Variants in GSAP observed in about 807,000 individuals in gnomAD.
GSAP encodes the protein gamma-secretase-activating protein.
GSAP carries 118 observed loss-of-function variants against 131.7 expected under a neutral mutation model. The observed-to-expected ratio is 0.90, with a 90% CI of 0.77 to 1.04. The LOEUF (loss-of-function observed/expected upper bound fraction) is 1.04, where lower values mean the gene tolerates loss of function less well. GSAP is among the 50% of genes least tolerant of loss of function. GSAP has a pLI of 0.00. For synonymous variants in GSAP, 381 were observed against 363.4 expected, an observed-to-expected ratio of 1.05 and a Z score of -0.55; for missense variants, 1,019 against 1,013.2, an observed-to-expected ratio of 1.01 and a Z score of -0.08.
chr7:77,313,461 A>G, intron 28 of GSAP, 27 bp downstream of exon 28: 2 of 1,293,382 alleles, frequency 1.5e-6, no homozygotes, highest in Non-Finnish European at 2.2e-6. Flanking sequence ...AAGCTTAGGG[A>G]GAAAATAAAA....
At chr7:77,362,004 C>T (rs1238916724) in intron 13 of GSAP, among the ~76,000 whole-genome samples, 4 of 152,118 alleles carry the variant, frequency 2.6e-5, no homozygotes, top group African/African-American at 2.4e-5. Flanking sequence ...CAAATAAACA[C>T]ACTTTGGATA....
intron 18 of GSAP, among the ~76,000 whole-genome samples, chr7:77,352,225 CAATT>C (rs1344239500): frequency 6.6e-6 from 1 of 152,114 alleles, no homozygotes; most frequent in Non-Finnish European, 1.5e-5. Context: ...TATTTAAATT[CAATT>C]TATTTTTCTA....
chr7:77,314,320 G>C (rs370193787), intron 27 of GSAP, 50 bp downstream of exon 27: 48 of 1,605,234 alleles, frequency 3.0e-5, no homozygotes, highest in Non-Finnish European at 3.9e-5. Context: ...AGCTAGCCTT[G>C]GTGGTGCTCA....
At chr7:77,359,905 CTT>C (rs1023928731) in intron 14 of GSAP, among the ~76,000 whole-genome samples, 1 of 152,204 alleles carries the variant, frequency 6.6e-6, no homozygotes, top group African/African-American at 2.4e-5. Context: ...ATTTCTCTCT[CTT>C]ATCACAGGAA....
At chr7:77,327,179 C>T (rs1419692528) in intron 22 of GSAP, 1 of 152,182 alleles carries the variant, frequency 6.6e-6, no homozygotes, top group South Asian at 2.1e-4. Context: ...ACGCAAAGCA[C>T]GTGCAAGGAA....
At chr7:77,349,886 C>G (rs1041831620) in intron 18 of GSAP, among the ~76,000 whole-genome samples, 1 of 152,022 alleles carries the variant, frequency 6.6e-6, no homozygotes, top group Non-Finnish European at 1.5e-5. Context: ...TTTTCTGTAC[C>G]TCATTGTCCT....
At chr7:77,333,268 G>A (rs1462607601) in intron 19 of GSAP, among the ~76,000 whole-genome samples, 1 of 152,196 alleles carries the variant, frequency 6.6e-6, no homozygotes, top group Non-Finnish European at 1.5e-5. Context: ...GTCAGTGAAG[G>A]ACAAGGAAAG....
intron 12 of GSAP, among the ~76,000 whole-genome samples, chr7:77,370,818 GC>G (rs1796007423): frequency 6.6e-6 from 1 of 151,894 alleles, no homozygotes; most frequent in African/African-American, 2.4e-5. Flanking sequence ...TAATCTTCAT[GC>G]TACTAGACAC....
Position 77,397,406 on chromosome 7 carries a change from T to C in GSAP, c.253A>G (p.Thr85Ala), listed in dbSNP as rs1800594367. 6.4e-7 allele frequency: 1 copy of C among 1,573,492 alleles called. No homozygotes were observed. The highest frequency in any genetic ancestry group is 8.7e-7 in the Non-Finnish European group (1 of 1,148,962). Residue 85 changes from threonine to alanine, a missense_variant, in exon 4 of 31, where the codon ACC (threonine) becomes GCC (alanine). Thr to Ala is a moderately conservative substitution (Grantham distance 58). Coordinates refer to ENST00000257626, the MANE Select transcript of GSAP (RefSeq NM_017439.4). ...AAAACTTGCAAGTCTTTCTCAAAGGTATATAGAAGCTATTAAAACAAAAAT... is the reference window on the plus strand; with the variant it reads ...AAAACTTGCAAGTCTTTCTCAAAGGCATATAGAAGCTATTAAAACAAAAAT... ...CQTRQNELLYTFEKDLQVFSC... is the reference protein window; with the variant it reads ...CQTRQNELLYAFEKDLQVFSC...
chr7:77,388,322 T>C (rs1457447590), intron 5 of GSAP, among the ~76,000 whole-genome samples: 1 of 152,246 alleles, frequency 6.6e-6, no homozygotes, highest in East Asian at 1.9e-4. Context: ...ATTGTTTGTG[T>C]AGGAAAATAA....
intron 12 of GSAP, among the ~76,000 whole-genome samples, chr7:77,373,525 T>C (rs147571461): frequency 2.8e-4 from 43 of 152,358 alleles, no homozygotes; most frequent in African/African-American, 1.0e-3. Flanking sequence ...ACCAGATTTA[T>C]TGAATGTAAT....
At chr7:77,321,688 C>A (rs754632252) in intron 24 of GSAP, among the ~76,000 whole-genome samples, 5 of 152,224 alleles carry the variant, frequency 3.3e-5, no homozygotes, top group Non-Finnish European at 7.3e-5. Flanking sequence ...CACTTACAGA[C>A]CCCCATCCAT....
intron 18 of GSAP, chr7:77,351,651 C>T: frequency 1.0e-6 from 1 of 985,702 alleles, no homozygotes; most frequent in Non-Finnish European, 1.2e-6. Flanking sequence ...CTGATGTCAC[C>T]CTGTGCGTGT....
intron 26 of GSAP, among the ~76,000 whole-genome samples, chr7:77,319,838 A>G (rs569285938): frequency 1.3e-5 from 2 of 152,334 alleles, no homozygotes; most frequent in African/African-American, 4.8e-5. Flanking sequence ...AGTCAAACTC[A>G]TAGACACAGA....
chr7:77,416,004 C>A, intron 1 of GSAP: 1 of 430,412 alleles, frequency 2.3e-6, no homozygotes, highest in Non-Finnish European at 4.1e-6. Flanking sequence ...CCACGGCGAC[C>A]TGGCCCGGGC....
chr7:77,354,931 C>T (rs1249856639), intron 16 of GSAP, among the ~76,000 whole-genome samples: 1 of 152,000 alleles, frequency 6.6e-6, no homozygotes, highest in East Asian at 1.9e-4. Context: ...ATTTAAGAAA[C>T]GCATTATTTA....
chr7:77,313,033 C>T lies in GSAP; in HGVS notation c.2271+455G>A, dbSNP rs1289628050. Among the ~76,000 whole-genome samples, 3 of 152,024 alleles carry T rather than the reference C, an allele frequency of 2.0e-5. No homozygotes were observed. In the East Asian group the frequency reaches 5.8e-4, roughly 29 times the overall value. ...CTCTCACTCTAAGTGTTGATATTCC[C>T]TCATGTTTCTCATTCTTCCTTTGAC... is the stretch of plus-strand genomic sequence containing the variant. On this transcript the variant is annotated intron_variant, in intron 28 of 30. Coordinates refer to ENST00000257626, the MANE Select transcript of GSAP (RefSeq NM_017439.4).
At chr7:77,378,415 C>T (rs1047325864) in intron 8 of GSAP, among the ~76,000 whole-genome samples, 8 of 151,736 alleles carry the variant, frequency 5.3e-5, no homozygotes, top group African/African-American at 1.5e-4. Flanking sequence ...ATCCAACAGG[C>T]GGAGGTTACA....
chr7:77,381,954 A>G (rs1797870243), intron 7 of GSAP, among the ~76,000 whole-genome samples: 1 of 150,806 alleles, frequency 6.6e-6, no homozygotes. Flanking sequence ...GACTGAACAA[A>G]GCCTTACCCC....
Sources: gnomAD v4.1 joint callset for allele counts (sites outside exome capture counted in the v4.1 genomes callset) on GRCh38, gnomAD v4.1.1 for gene constraint, MANE v1.5 for transcripts, NCBI Gene and HGNC (gene_info 2026-07-23, HGNC 2026-07-21) for gene names.